Variants in ERC1 observed in about 807,000 individuals in gnomAD.
ERC1 encodes the protein ELKS/RAB6-interacting/CAST family member 1.
In ERC1, 56 loss-of-function variants were observed where a neutral mutation model predicts 132.0. The ratio of observed to expected loss-of-function variants is 0.42; its 90% CI spans 0.34 to 0.53. ERC1 has a LOEUF of 0.53. Among genes scored for constraint, ERC1 ranks in the 20% least tolerant of loss-of-function variants. The probability of loss-of-function intolerance (pLI) is 0.03; values close to 1 mark genes in which losing one functional copy is unlikely to be tolerated. For missense variants in ERC1, 1,202 were observed against 1,349.9 expected, an observed-to-expected ratio of 0.89 and a Z score of 1.72; for synonymous variants, 478 against 476.1, an observed-to-expected ratio of 1.00 and a Z score of -0.05.
chr12:1,346,341 T>C (rs998269051), intron 15 of ERC1, among the ~76,000 whole-genome samples: 15 of 152,216 alleles, frequency 9.9e-5, no homozygotes, highest in African/African-American at 3.6e-4. Context: ...TCCTGACTCA[T>C]CTCTTAAACC....
intron 17 of ERC1, among the ~76,000 whole-genome samples, chr12:1,411,208 C>T (rs2091826656): frequency 6.6e-6 from 1 of 152,108 alleles, no homozygotes; most frequent in Non-Finnish European, 1.5e-5. Context: ...GCAGTATCTC[C>T]CTTTGATCTG....
chr12:1,165,392 G>A (rs569299151), intron 8 of ERC1, among the ~76,000 whole-genome samples: 17 of 151,548 alleles, frequency 1.1e-4, no homozygotes, highest in East Asian at 9.7e-4. Context: ...TGCAAGTTCC[G>A]CCTCCCGGGT....
chr12:1,258,199 A>G (rs2076929124), intron 13 of ERC1, among the ~76,000 whole-genome samples: 1 of 152,188 alleles, frequency 6.6e-6, no homozygotes, highest in Non-Finnish European at 1.5e-5. Context: ...TCAACTTCCT[A>G]ATTTCCAGAT....
chr12:1,464,697 T>C (rs2093709574), intron 18 of ERC1, among the ~76,000 whole-genome samples: 1 of 151,578 alleles, frequency 6.6e-6, no homozygotes, highest in South Asian at 2.1e-4. Context: ...ATTTTTGTAT[T>C]TTTAGTAAGA....
chr12:1,343,059 C>T (rs190218565), intron 15 of ERC1, among the ~76,000 whole-genome samples: 19 of 152,124 alleles, frequency 1.2e-4, no homozygotes, highest in African/African-American at 3.4e-4. Flanking sequence ...CTAATCAGTC[C>T]GGGCATTAGA....
At chr12:1,192,377 C>T (rs1424454015) in intron 12 of ERC1, among the ~76,000 whole-genome samples, 1 of 152,164 alleles carries the variant, frequency 6.6e-6, no homozygotes, top group African/African-American at 2.4e-5. Context: ...CTCTTGTTCC[C>T]AGATTTAGTA....
intron 12 of ERC1, among the ~76,000 whole-genome samples, chr12:1,199,912 AC>A (rs1956748540): frequency 6.7e-6 from 1 of 149,672 alleles, no homozygotes; most frequent in African/African-American, 2.5e-5. Flanking sequence ...AGATTACATA[AC>A]TTTTTTTTTT....
At chr12:1,019,812 G>A (rs1027980323) in intron 1 of ERC1, among the ~76,000 whole-genome samples, 19 of 152,176 alleles carry the variant, frequency 1.2e-4, no homozygotes, top group African/African-American at 4.6e-4. Flanking sequence ...CACTATCATG[G>A]CTCACTGTAG....
intron 3 of ERC1, among the ~76,000 whole-genome samples, chr12:1,093,957 C>CTCTCTCTATATATATATATATATA (rs1555236197): frequency 1.5e-5 from 1 of 68,910 alleles, no homozygotes; most frequent in Admixed American, 2.0e-4. Context: ...ATATATTTTT[C>CTCTCTCTATATATATATATATATA]TATATATATA....
At chr12:1,418,646 TCTCTC>T (rs2154398545) in intron 17 of ERC1, among the ~76,000 whole-genome samples, 3 of 137,662 alleles carry the variant, frequency 2.2e-5, no homozygotes, top group African/African-American at 8.3e-5. Context: ...TTTCTTTCTC[TCTCTC>T]TCTCTCTCTC....
At chr12:997,902 A>G (rs929753001) in intron 1 of ERC1, among the ~76,000 whole-genome samples, 2 of 152,220 alleles carry the variant, frequency 1.3e-5, no homozygotes, top group African/African-American at 4.8e-5. Flanking sequence ...AACATTTCCC[A>G]AGGAAGTTGA....
intron 14 of ERC1, among the ~76,000 whole-genome samples, chr12:1,272,174 C>G (rs1022008066): frequency 1.3e-5 from 2 of 152,196 alleles, no homozygotes; most frequent in Admixed American, 1.3e-4. Flanking sequence ...CTACATCTGC[C>G]ACATTAAAGA....
intron 1 of ERC1, among the ~76,000 whole-genome samples, chr12:992,406 C>T (rs1182937514): frequency 6.6e-6 from 1 of 152,170 alleles, no homozygotes; most frequent in Non-Finnish European, 1.5e-5. Context: ...TCTTTTATAG[C>T]GTGTTGCTTG....
chr12:1,070,210 T>G (rs1940068514), intron 2 of ERC1, among the ~76,000 whole-genome samples: 1 of 152,254 alleles, frequency 6.6e-6, no homozygotes, highest in African/African-American at 2.4e-5. Context: ...AGTTAGGCAA[T>G]AAGAGTATGC....
intron 15 of ERC1, among the ~76,000 whole-genome samples, chr12:1,306,638 G>A (rs2080905703): frequency 6.6e-6 from 1 of 152,164 alleles, no homozygotes; most frequent in African/African-American, 2.4e-5. Context: ...CTGCTTGCTA[G>A]GGATGAAATC....
intron 15 of ERC1, among the ~76,000 whole-genome samples, chr12:1,313,463 A>G (rs2081460045): frequency 6.6e-6 from 1 of 152,026 alleles, no homozygotes; most frequent in Non-Finnish European, 1.5e-5. Context: ...CTGTTCAGAA[A>G]CGTGTTATAA....
At chr12:1,026,323 C>T (rs957051991) in intron 1 of ERC1, among the ~76,000 whole-genome samples, 2 of 152,182 alleles carry the variant, frequency 1.3e-5, no homozygotes, top group Admixed American at 6.5e-5. Context: ...CACCTGGCCC[C>T]ACCCTTGATA....
intron 1 of ERC1, among the ~76,000 whole-genome samples, chr12:1,008,728 A>C (rs1964163181): frequency 1.3e-5 from 2 of 152,230 alleles, no homozygotes; most frequent in South Asian, 4.1e-4. Context: ...TAAATCATAA[A>C]ATTTACAGTT....
chr12:1,336,779 T>C (rs1247212531), intron 15 of ERC1, among the ~76,000 whole-genome samples: 1 of 151,958 alleles, frequency 6.6e-6, no homozygotes, highest in Admixed American at 6.6e-5. Context: ...CTATGCTGAG[T>C]TCAGGTCCTG....
Sources: gnomAD v4.1 joint callset for allele counts (sites outside exome capture counted in the v4.1 genomes callset) on GRCh38, gnomAD v4.1.1 for gene constraint, MANE v1.5 for transcripts, NCBI Gene and HGNC (gene_info 2026-07-23, HGNC 2026-07-21) for gene names.